INO80: variants seen among roughly 807,000 people sequenced by gnomAD.
INO80 encodes the protein INO80 complex ATPase subunit.
In INO80, 20 loss-of-function variants were observed where a neutral mutation model predicts 203.4. The ratio of observed to expected loss-of-function variants is 0.10; its 90% CI spans 0.07 to 0.14. INO80 has a LOEUF of 0.14. INO80 is among the 10% of genes least tolerant of loss of function. The pLI is 1.00. For synonymous variants in INO80, 726 were observed against 685.2 expected (o/e 1.06, Z -0.93); for missense variants, 1,419 against 1,914.4 (o/e 0.74, Z 4.83).
At chr15:41,006,761 T>C (rs926364045) in intron 27 of INO80, among the ~76,000 whole-genome samples, 15 of 152,226 alleles carry the variant, frequency 9.9e-5, no homozygotes, top group Admixed American at 2.6e-4. Context: ...GACAAGCTCA[T>C]TGACATATGC....
At chr15:41,107,353 T>C (rs1206733694) in intron 1 of INO80, among the ~76,000 whole-genome samples, 1 of 151,804 alleles carries the variant, frequency 6.6e-6, no homozygotes, top group African/African-American at 2.4e-5. Context: ...ATACAAAAAT[T>C]AGCCAGGCAT....
chr15:41,107,762 T>C (rs912473642), intron 1 of INO80, among the ~76,000 whole-genome samples: 9 of 152,036 alleles, frequency 5.9e-5, no homozygotes, highest in Non-Finnish European at 1.2e-4. Context: ...ACCATGCCAC[T>C]GCACTTCAGC....
intron 4 of INO80, among the ~76,000 whole-genome samples, chr15:41,093,510 T>C (rs1280866153): frequency 1.3e-5 from 2 of 152,174 alleles, no homozygotes; most frequent in Non-Finnish European, 2.9e-5. Context: ...GAGATTACAT[T>C]GTAATCATGG....
chr15:41,093,061 C>A (rs1170857718), intron 4 of INO80, among the ~76,000 whole-genome samples: 1 of 152,008 alleles, frequency 6.6e-6, no homozygotes, highest in Non-Finnish European at 1.5e-5. Flanking sequence ...AACAAAAATT[C>A]CAGAAGAGGC....
In INO80 at chr15:41,074,445, G is replaced by A; in HGVS notation, c.1252C>T (p.Leu418=). The A allele has an allele frequency of 6.2e-7, 1 of 1,613,930 alleles. No individual in the cohort carries two copies. Among genetic ancestry groups the A allele is most frequent in the Non-Finnish European group, 8.5e-7 (1 of 1,179,948 alleles). The change falls in exon 10 of 36, where the codon CTG becomes TTG. Residue 418 remains leucine, a synonymous_variant. Coordinates refer to ENST00000648947, the MANE Select transcript of INO80 (RefSeq NM_017553.3). ...DGIQEEILRK[L]EDSSTQRQID... ...TGTCTCTGGGTAGAACTGTCTTCCA[G>A]TTTCCTTAGGATTTCTTCCTGGATA...
chr15:41,023,663 G>A (rs1291673807), intron 25 of INO80, among the ~76,000 whole-genome samples: 1 of 150,808 alleles, frequency 6.6e-6, no homozygotes, highest in Non-Finnish European at 1.5e-5. Flanking sequence ...CTGCTACTCT[G>A]GAGGCTGAGG....
Position 41,074,305 on chromosome 15 carries a change from G to A in INO80, c.1327+65C>T, listed in dbSNP as rs1325151055. 4 of 1,243,884 alleles carry A rather than the reference G, an allele frequency of 3.2e-6. No individual in the cohort carries two copies. The East Asian group carries it at 9.8e-5, about 30-fold the overall frequency. 77.1% of individuals were successfully genotyped at this position (1,243,884 alleles called of 1,614,324 possible). On this transcript the variant is annotated intron_variant, in intron 10 of 35. Coordinates refer to ENST00000648947, the MANE Select transcript of INO80 (RefSeq NM_017553.3). ...CAATAAAAAATTCGCAAAAATTAATGTATATAACCTTTAGATATAAAAAAT... is the reference window on the plus strand; with the variant it reads ...CAATAAAAAATTCGCAAAAATTAATATATATAACCTTTAGATATAAAAAAT...
chr15:41,050,494 A>C (rs956151140), intron 19 of INO80, among the ~76,000 whole-genome samples: 4 of 152,198 alleles, frequency 2.6e-5, no homozygotes, highest in African/African-American at 9.6e-5. Flanking sequence ...TCTTTTCCAC[A>C]ATTTACTAAA....
At position 41,079,863 on chromosome 15, in the gene INO80, C is replaced by A; in HGVS notation, c.969G>T (p.Leu323Phe). 5 of 1,614,122 alleles carry A rather than the reference C, an allele frequency of 3.1e-6. No homozygotes were observed. The highest frequency in any genetic ancestry group is 4.2e-6 in the Non-Finnish European group (5 of 1,180,026). Residue 323 changes from leucine (L) to phenylalanine (F), a missense_variant, in exon 9 of 36, where the codon TTG becomes TTT. Physicochemically the swap from Leu to Phe is conservative, Grantham distance 22. Transcript: ENST00000648947. Reference protein sequence around the residue: ...QCMKEVRRAALQAQKNCKETL... With the variant: ...QCMKEVRRAAFQAQKNCKETL... ...TTTCCTTACAGTTCTTCTGGGCCTG[C>A]AAGGCAGCTCGACGCACCTCCTTCA...
At chr15:41,105,798 G>A (rs182552465) in intron 1 of INO80, among the ~76,000 whole-genome samples, 3 of 152,082 alleles carry the variant, frequency 2.0e-5, no homozygotes, top group Admixed American at 2.0e-4. Context: ...TTGCTCCTTC[G>A]ACATAACCCA....
chr15:41,027,492 T>G (rs893317647), intron 25 of INO80, 104 bp downstream of exon 25: 2 of 1,001,856 alleles, frequency 2.0e-6, no homozygotes, highest in Non-Finnish European at 2.9e-6. Flanking sequence ...TTTCTTAAAG[T>G]CCAAATAGTT....
At chr15:40,999,668 T>G (rs560545966) in intron 28 of INO80, among the ~76,000 whole-genome samples, 1 of 152,340 alleles carries the variant, frequency 6.6e-6, no homozygotes, top group Admixed American at 6.5e-5. Context: ...ATGATTAAAT[T>G]GTGTAGTGTA....
intron 24 of INO80, among the ~76,000 whole-genome samples, chr15:41,035,154 C>A (rs1434075549): frequency 1.3e-5 from 2 of 152,168 alleles, no homozygotes; most frequent in African/African-American, 4.8e-5. Flanking sequence ...AGAACTAGTA[C>A]TACAGTCAGA....
intron 1 of INO80, among the ~76,000 whole-genome samples, chr15:41,107,786 C>T (rs975279265): frequency 1.3e-5 from 2 of 151,416 alleles, no homozygotes; most frequent in African/African-American, 2.4e-5. Context: ...GGCAACAGAG[C>T]GAGACTATGT....
At chr15:41,023,313 C>T (rs1327529412) in intron 25 of INO80, 2 of 455,806 alleles carry the variant, frequency 4.4e-6, no homozygotes, top group African/African-American at 4.0e-5. Flanking sequence ...TGGGTCAGAG[C>T]AAACATCTCC....
At chr15:41,103,017 G>A (rs2045831922) in intron 1 of INO80, among the ~76,000 whole-genome samples, 1 of 152,064 alleles carries the variant, frequency 6.6e-6, no homozygotes, top group African/African-American at 2.4e-5. Flanking sequence ...CACATTTCTA[G>A]ATGCTTCTAG....
intron 4 of INO80, 129 bp downstream of exon 4, chr15:41,095,472 C>A (rs951195665): frequency 4.4e-6 from 3 of 674,388 alleles, no homozygotes; most frequent in African/African-American, 1.8e-5. Context: ...TTCAAAAAAA[C>A]CACATCCAGT....
intron 14 of INO80, among the ~76,000 whole-genome samples, chr15:41,067,111 C>CT (rs1234699326): frequency 6.6e-6 from 1 of 152,126 alleles, no homozygotes; most frequent in Non-Finnish European, 1.5e-5. Flanking sequence ...GATTCTCACT[C>CT]TGTCGCCCAG....
intron 7 of INO80, among the ~76,000 whole-genome samples, 198 bp downstream of exon 7, chr15:41,085,171 T>C (rs1399775442): frequency 6.6e-6 from 1 of 152,212 alleles, no homozygotes; most frequent in African/African-American, 2.4e-5. Context: ...CAATAACTAA[T>C]TGTCTTGTGA....
Sources: allele counts gnomAD v4.1 joint callset (sites outside exome capture counted in the v4.1 genomes callset), GRCh38; gene constraint gnomAD v4.1.1; transcripts MANE v1.5; gene names NCBI Gene and HGNC (gene_info 2026-07-23, HGNC 2026-07-21).